The following CSGALNACT2 variants were observed in gnomAD, a reference collection of about 807,000 sequenced individuals.
CSGALNACT2 encodes the protein beta 4 GalNAcT-2.
A neutral mutation model predicts 55.3 loss-of-function variants in CSGALNACT2; 35 were observed. The observed-to-expected ratio is 0.63, with a 90% CI of 0.48 to 0.84. CSGALNACT2 has a LOEUF of 0.84. CSGALNACT2 is among the 40% of genes least tolerant of loss of function. The pLI, the probability that CSGALNACT2 is intolerant of heterozygous loss-of-function variation, is 0.00. For synonymous variants in CSGALNACT2, 196 were observed against 224.9 expected (o/e 0.87, Z 1.15); for missense variants, 544 against 657.5 (o/e 0.83, Z 1.89).
At chr10:43,155,997 C>T (rs1838999851) in intron 2 of CSGALNACT2, among the ~76,000 whole-genome samples, 187 bp downstream of exon 2, 2 of 152,062 alleles carry the variant, frequency 1.3e-5, no homozygotes, top group Non-Finnish European at 1.5e-5. Context: ...CTTCATTGCA[C>T]CAAGAATTTT....
Position 43,164,245 on chromosome 10 carries a change from C to G in CSGALNACT2, c.1159+201C>G, listed in dbSNP as rs1839212386. On this transcript the variant is annotated intron_variant, in intron 5 of 7. Coordinates refer to ENST00000374466, the MANE Select transcript of CSGALNACT2 (RefSeq NM_018590.5). ...CTTTGAAATTCATATCCTTTGTTCT[C>G]TTGGGTCCAACTTCCAGTGACTACA... 2.0e-5 allele frequency among the ~76,000 whole-genome samples: 3 copies of G among 152,150 alleles called. No individual in the cohort carries two copies. The South Asian group carries it at 6.2e-4, about 32-fold the overall frequency.
chr10:43,171,670 G>C (rs909060762), intron 6 of CSGALNACT2, among the ~76,000 whole-genome samples: 1 of 152,284 alleles, frequency 6.6e-6, no homozygotes, highest in South Asian at 2.1e-4. Flanking sequence ...TAATATTCTT[G>C]CCTGGTTTGG....
chr10:43,169,896 A>C (rs1431577426), intron 6 of CSGALNACT2, among the ~76,000 whole-genome samples: 1 of 152,228 alleles, frequency 6.6e-6, no homozygotes. Context: ...ATTCTGAAGA[A>C]AAGTAACTTT....
At chr10:43,170,940 G>A (rs1169984012) in intron 6 of CSGALNACT2, among the ~76,000 whole-genome samples, 1 of 152,168 alleles carries the variant, frequency 6.6e-6, no homozygotes, top group African/African-American at 2.4e-5. Context: ...CCTCAAAACT[G>A]TCAGGGTCAC....
chr10:43,160,892 A>T (rs1348048091), intron 4 of CSGALNACT2, among the ~76,000 whole-genome samples: 1 of 151,928 alleles, frequency 6.6e-6, no homozygotes, highest in Non-Finnish European at 1.5e-5. Context: ...TGACATAATC[A>T]TCTTCTGAAT....
At chr10:43,143,246 A>G (rs1171190211) in intron 1 of CSGALNACT2, among the ~76,000 whole-genome samples, 1 of 152,208 alleles carries the variant, frequency 6.6e-6, no homozygotes, top group Non-Finnish European at 1.5e-5. Context: ...GCACATAAAG[A>G]TGTACCTAAT....
chr10:43,164,079 A>G, intron 5 of CSGALNACT2, 35 bp downstream of exon 5: 1 of 1,564,154 alleles, frequency 6.4e-7, no homozygotes, highest in Admixed American at 1.8e-5. Context: ...CTGACTATAG[A>G]ATTTAGAACG....
At chr10:43,155,838 T>G (rs190429465) in intron 2 of CSGALNACT2, 28 bp downstream of exon 2, 1 of 1,563,174 alleles carries the variant, frequency 6.4e-7, no homozygotes, top group East Asian at 2.2e-5. Context: ...TTGGTCAATA[T>G]TATGTTAGTA....
intron 5 of CSGALNACT2, among the ~76,000 whole-genome samples, chr10:43,165,716 CGT>C (rs912232924): frequency 4.6e-5 from 7 of 151,962 alleles, no homozygotes; most frequent in Non-Finnish European, 8.8e-5. Flanking sequence ...AGAGGCTGGG[CGT>C]GGTGGTTCAT....
chr10:43,167,586 ATTTTAT>A (rs1839294310), intron 6 of CSGALNACT2, among the ~76,000 whole-genome samples: 1 of 152,128 alleles, frequency 6.6e-6, no homozygotes, highest in Admixed American at 6.5e-5. Context: ...AATAAACATT[ATTTTAT>A]AATAATTTAG....
intron 1 of CSGALNACT2, 61 bp from the exon 2 acceptor site, chr10:43,154,836 A>G (rs1838958825): frequency 3.8e-6 from 1 of 263,366 alleles, no homozygotes. Flanking sequence ...CTGAAGCCAC[A>G]AACAAATTTG....
intron 7 of CSGALNACT2, among the ~76,000 whole-genome samples, chr10:43,176,473 C>T (rs913924089): frequency 6.6e-6 from 1 of 152,112 alleles, no homozygotes; most frequent in African/African-American, 2.4e-5. Flanking sequence ...ACACAAAATC[C>T]CAGTATTTAA....
At position 43,158,352 on chromosome 10, in the gene CSGALNACT2, A is replaced by G. The variant is rs1839063767; in HGVS notation, c.662-363A>G. Among the ~76,000 whole-genome samples the G allele has an allele frequency of 2.0e-5, 3 of 152,178 alleles. No homozygotes were observed. The South Asian group carries it at 6.2e-4, about 32-fold the overall frequency. The stretch of plus-strand genomic sequence containing the variant: ...GATTTCTTTTAGTTGACCTAAACCA[A>G]TAGAAATTTTGGCTCTTGGGTCTAG... On this transcript the variant is annotated intron_variant, in intron 2 of 7. Transcript: ENST00000374466.
intron 6 of CSGALNACT2, among the ~76,000 whole-genome samples, chr10:43,170,380 A>G (rs1839359393): frequency 6.6e-6 from 1 of 152,218 alleles, no homozygotes; most frequent in Non-Finnish European, 1.5e-5. Context: ...ACCCTGGAGC[A>G]TCTTACAGTG....
chr10:43,155,899 A>T, intron 2 of CSGALNACT2, 89 bp downstream of exon 2: 1 of 1,071,050 alleles, frequency 9.3e-7, no homozygotes, highest in Non-Finnish European at 1.4e-6. Context: ...ATTGTACTGT[A>T]GACAAATGCT....
chr10:43,162,155 C>T (rs769261003), intron 4 of CSGALNACT2: 1 of 518,980 alleles, frequency 1.9e-6, no homozygotes, highest in Non-Finnish European at 3.8e-6. Flanking sequence ...TTCTCGTCTC[C>T]TTGTCTGTTT....
chr10:43,164,155 A>AT (rs1839211041), intron 5 of CSGALNACT2, 111 bp downstream of exon 5: 4 of 872,696 alleles, frequency 4.6e-6, no homozygotes, highest in Non-Finnish European at 5.1e-6. Context: ...AAACCCCAGT[A>AT]TTTTTTTAAG....
chr10:43,155,612 A>AT lies in CSGALNACT2; in HGVS notation c.463_464insT (p.Lys155IlefsTer14). ...TCCCTTTGAAAGTTTTACCTTAATG[A>AT]AAGTATTTCAATTGGAAATGGGTCT... is the stretch of plus-strand genomic sequence containing the variant. On this transcript the variant is annotated frameshift_variant, in exon 2 of 8. Coordinates refer to ENST00000374466, the MANE Select transcript of CSGALNACT2 (RefSeq NM_018590.5). LOFTEE classifies it high-confidence loss of function. The AT allele has an allele frequency of 6.2e-7, 1 of 1,614,190 alleles. No homozygotes were observed. Among genetic ancestry groups the AT allele is most frequent in the Non-Finnish European group, 8.5e-7 (1 of 1,180,038 alleles).
At position 43,154,905 on chromosome 10, in the gene CSGALNACT2, C is replaced by G. The variant is rs930486090; in HGVS notation, c.-245C>G. On this transcript the variant is annotated 5_prime_UTR_variant, in exon 2 of 8. Transcript: ENST00000374466. The stretch of plus-strand genomic sequence containing the variant: ...TGATCTGTGTCTTTCAGAAAAATCA[C>G]TACCAATATAATGGATTTTATATAT... 4.3e-6 allele frequency: 2 copies of G among 461,936 alleles called. No homozygotes were observed. The highest frequency in any genetic ancestry group is 3.9e-5 in the African/African-American group (2 of 50,882). 28.6% of individuals were successfully genotyped at this position (461,936 alleles called of 1,614,324 possible).
Sources: allele counts gnomAD v4.1 joint callset (sites outside exome capture counted in the v4.1 genomes callset), GRCh38; gene constraint gnomAD v4.1.1; transcripts MANE v1.5; gene names NCBI Gene and HGNC (gene_info 2026-07-23, HGNC 2026-07-21).